FMN1: variants seen among roughly 807,000 people sequenced by gnomAD.
FMN1 encodes the protein formin 1, also known as formin-1.
Under a neutral mutation model 132.4 loss-of-function variants are expected in FMN1, and 110 were observed. That is an observed-to-expected ratio of 0.83 (90% confidence interval 0.71 to 0.97). The LOEUF is 0.97. Among genes scored for constraint, FMN1 ranks in the 50% least tolerant of loss-of-function variants. The pLI is 0.00. For missense variants in FMN1, 1,792 were observed against 1,705.3 expected, an observed-to-expected ratio of 1.05 and a Z score of -0.90; for synonymous variants, 722 against 651.7, an observed-to-expected ratio of 1.11 and a Z score of -1.64.
At chr15:33,095,286 T>A (rs888994838) in intron 4 of FMN1, among the ~76,000 whole-genome samples, 1 of 151,994 alleles carries the variant, frequency 6.6e-6, no homozygotes, top group African/African-American at 2.4e-5. Flanking sequence ...AGGCAGAGGT[T>A]GCAGTGAGCC....
intron 15 of FMN1, 43 bp from the exon 16 acceptor site, chr15:32,888,335 G>T: frequency 6.7e-7 from 1 of 1,493,016 alleles, no homozygotes; most frequent in African/African-American, 1.4e-5. Flanking sequence ...CTTCCCAATT[G>T]TCACTTTCAG....
chr15:33,120,295 C>A (rs542564388), intron 4 of FMN1, among the ~76,000 whole-genome samples: 1 of 152,260 alleles, frequency 6.6e-6, no homozygotes, highest in South Asian at 2.1e-4. Context: ...CTAAAGATAG[C>A]AGATGTGCTA....
intron 17 of FMN1, among the ~76,000 whole-genome samples, chr15:32,847,173 G>A (rs4780044): frequency 0.75 from 114,100 of 152,096 alleles, 43,337 homozygotes; most frequent in Middle Eastern, 0.82. Context: ...TTACATGGTT[G>A]AGGGCCTACT....
intron 7 of FMN1, among the ~76,000 whole-genome samples, chr15:32,998,234 C>T (rs900315312): frequency 2.6e-5 from 4 of 152,202 alleles, no homozygotes; most frequent in Non-Finnish European, 4.4e-5. Context: ...AATGCTACCC[C>T]CCAAATAGCC....
At chr15:32,793,293 T>C (rs2057157347) in intron 19 of FMN1, among the ~76,000 whole-genome samples, 1 of 152,202 alleles carries the variant, frequency 6.6e-6, no homozygotes. Context: ...CTTTTCTTTT[T>C]TTTTTAAAGA....
At chr15:32,989,859 T>C (rs1360345875) in intron 7 of FMN1, among the ~76,000 whole-genome samples, 1 of 152,138 alleles carries the variant, frequency 6.6e-6, no homozygotes. Flanking sequence ...CAAGGATGCA[T>C]CTGAGGTTTT....
At chr15:32,944,292 G>A (rs1229409712) in intron 9 of FMN1, among the ~76,000 whole-genome samples, 1 of 152,214 alleles carries the variant, frequency 6.6e-6, no homozygotes, top group Non-Finnish European at 1.5e-5. Context: ...ACCCAGAAGA[G>A]CTGGTTGGCT....
chr15:32,906,590 T>C (rs902365544), intron 12 of FMN1, among the ~76,000 whole-genome samples: 2 of 152,242 alleles, frequency 1.3e-5, no homozygotes, highest in Non-Finnish European at 2.9e-5. Context: ...TAACTTGGTA[T>C]AACCAGCACT....
intron 19 of FMN1, among the ~76,000 whole-genome samples, chr15:32,794,984 C>G (rs553496978): frequency 6.6e-6 from 1 of 152,006 alleles, no homozygotes; most frequent in African/African-American, 2.4e-5. Flanking sequence ...TTGTTTGAGC[C>G]CAGGAGTTTG....
At chr15:33,122,626 C>T (rs1962673833) in intron 4 of FMN1, among the ~76,000 whole-genome samples, 2 of 152,198 alleles carry the variant, frequency 1.3e-5, no homozygotes, top group Non-Finnish European at 2.9e-5. Flanking sequence ...CTAATGGCCA[C>T]TAGTGACAGG....
At chr15:32,891,250 T>G (rs1232622586) in intron 15 of FMN1, among the ~76,000 whole-genome samples, 5 of 152,192 alleles carry the variant, frequency 3.3e-5, no homozygotes, top group Admixed American at 6.5e-5. Context: ...GTATGAGTTT[T>G]AGAGTTCTTT....
intron 5 of FMN1, among the ~76,000 whole-genome samples, chr15:33,074,970 G>A (rs1446688946): frequency 2.2e-5 from 3 of 136,968 alleles, no homozygotes; most frequent in South Asian, 2.3e-4. Context: ...GCAGTGAGCC[G>A]AGATGGCACT....
At chr15:33,127,703 T>A (rs1225119729) in intron 4 of FMN1, among the ~76,000 whole-genome samples, 1 of 152,232 alleles carries the variant, frequency 6.6e-6, no homozygotes, top group Non-Finnish European at 1.5e-5. Context: ...ACGTAAGCTA[T>A]GCTGAACCTG....
At chr15:32,946,712 G>A (rs1284826933) in intron 9 of FMN1, among the ~76,000 whole-genome samples, 2 of 152,162 alleles carry the variant, frequency 1.3e-5, no homozygotes, top group Non-Finnish European at 2.9e-5. Context: ...TGAAGTTGGA[G>A]GACTGGTAAA....
Position 32,908,214 on chromosome 15 carries a change from TTAGTC to T in FMN1, c.3377+271_3377+275del, listed in dbSNP as rs565367461. On this transcript the variant is annotated intron_variant, in intron 12 of 20. Transcript: ENST00000616417. Reference sequence around the variant, plus strand: ...TCAGTTACCCTTTTGGTCAAATTGTTTAGTCTAGGAGGAATTAACAAGTTGCTAGA... The same window carrying T: ...TCAGTTACCCTTTTGGTCAAATTGTTTAGGAGGAATTAACAAGTTGCTAGA... The T allele has an allele frequency of 9.7e-5, 30 of 308,012 alleles. No homozygotes were observed. The South Asian group carries it at 1.1e-3, about 11-fold the overall frequency. The allele number at this position is 308,012 out of a possible 1,614,324, so 19.1% of individuals were successfully genotyped here.
rs183485665 is a variant in FMN1 at position 32,912,158 on chromosome 15, A to G, written c.3227-1623T>C. On this transcript the variant is annotated intron_variant, in intron 10 of 20. Transcript: ENST00000616417. ...ATATTACAAGCTTAGATATAATCAA[A>G]TAATCTTAACTAATGAGAAAGAGAA... Among the ~76,000 whole-genome samples the G allele has an allele frequency of 2.6e-4, 39 of 152,360 alleles. No homozygotes were observed. The East Asian group carries it at 6.6e-3, about 26-fold the overall frequency.
chr15:32,777,179 G>A (rs975417106), intron 19 of FMN1, among the ~76,000 whole-genome samples: 1 of 152,058 alleles, frequency 6.6e-6, no homozygotes, highest in Non-Finnish European at 1.5e-5. Flanking sequence ...CAATGTGGTA[G>A]TTTCTGATGG....
At chr15:33,186,972 C>T (rs1454276724) in intron 2 of FMN1, among the ~76,000 whole-genome samples, 1 of 152,164 alleles carries the variant, frequency 6.6e-6, no homozygotes, top group Non-Finnish European at 1.5e-5. Context: ...TCTGGCCCAC[C>T]TTGGATCAGA....
In FMN1 at chr15:33,119,384, T is replaced by C. The variant is rs563571886; in HGVS notation, c.1868-30410A>G. On this transcript the variant is annotated intron_variant, in intron 4 of 20. Transcript: ENST00000616417. ...GGTGGGGAGCCTGTGGTAAACATGA[T>C]AGATTCTCAGGACAGCCTGGGAGGA... Among the ~76,000 whole-genome samples, 6 of 152,312 alleles carry C rather than the reference T, an allele frequency of 3.9e-5. No homozygotes were observed. In the East Asian group the frequency reaches 9.7e-4, roughly 25 times the overall value.
Sources: gnomAD v4.1 joint callset for allele counts (sites outside exome capture counted in the v4.1 genomes callset) on GRCh38, gnomAD v4.1.1 for gene constraint, MANE v1.5 for transcripts, NCBI Gene and HGNC (gene_info 2026-07-23, HGNC 2026-07-21) for gene names.